The following RHBDL2 variants were observed in gnomAD, a reference collection of about 807,000 sequenced individuals.
The protein encoded by RHBDL2 is rhomboid like 2, also known as rhomboid-related protein 2.
Under a neutral mutation model 31.7 loss-of-function variants are expected in RHBDL2, and 26 were observed. The observed-to-expected ratio is 0.82, with a 90% CI of 0.60 to 1.14. The LOEUF is 1.14. RHBDL2 is among the 50% of genes most tolerant of loss of function. The pLI, the probability that RHBDL2 is intolerant of heterozygous loss-of-function variation, is 0.00. For missense variants in RHBDL2, 336 were observed against 364.4 expected (o/e 0.92, Z 0.63); for synonymous variants, 123 against 127.2 (o/e 0.97, Z 0.22).
At chr1:38,907,201 G>C (rs971234275) in intron 4 of RHBDL2, among the ~76,000 whole-genome samples, 1 of 152,134 alleles carries the variant, frequency 6.6e-6, no homozygotes, top group African/African-American at 2.4e-5. Context: ...GATATCTTCA[G>C]GCCAAACAAA....
chr1:38,915,520 A>T, intron 3 of RHBDL2, 42 bp downstream of exon 3: 1 of 1,601,436 alleles, frequency 6.2e-7, no homozygotes, highest in South Asian at 1.1e-5. Flanking sequence ...TTACAATGAT[A>T]TAATCACCTC....
At chr1:38,924,145 A>G (rs1643346342) in intron 1 of RHBDL2, among the ~76,000 whole-genome samples, 1 of 151,980 alleles carries the variant, frequency 6.6e-6, no homozygotes, top group Non-Finnish European at 1.5e-5. Context: ...TGGCCTCCCC[A>G]TGTTGTCCAG....
At chr1:38,941,157 A>G (rs993697291) in intron 1 of RHBDL2, among the ~76,000 whole-genome samples, 3 of 152,226 alleles carry the variant, frequency 2.0e-5, no homozygotes, top group Non-Finnish European at 2.9e-5. Flanking sequence ...ACACTAATGA[A>G]TAAATGAAAG....
intron 4 of RHBDL2, among the ~76,000 whole-genome samples, chr1:38,900,438 T>A (rs1642974715): frequency 6.6e-6 from 1 of 151,886 alleles, no homozygotes. Context: ...CTGGCCAACA[T>A]GGCGAAACCC....
chr1:38,935,349 G>A (rs1231283531), intron 1 of RHBDL2, among the ~76,000 whole-genome samples: 1 of 152,146 alleles, frequency 6.6e-6, no homozygotes, highest in Non-Finnish European at 1.5e-5. Flanking sequence ...AAGAGCTAAA[G>A]CTCTTAAGTT....
chr1:38,909,473 T>C (rs773792558), intron 4 of RHBDL2, among the ~76,000 whole-genome samples: 21 of 152,178 alleles, frequency 1.4e-4, no homozygotes, highest in Non-Finnish European at 2.8e-4. Context: ...GAATTTTCTT[T>C]AAAAATTCAC....
At chr1:38,910,570 C>G (rs1205053148) in intron 4 of RHBDL2, among the ~76,000 whole-genome samples, 3 of 152,074 alleles carry the variant, frequency 2.0e-5, no homozygotes, top group African/African-American at 7.2e-5. Context: ...CCTACCCAGT[C>G]TTAGAGCCCC....
chr1:38,900,750 A>T (rs1271857081), intron 4 of RHBDL2, among the ~76,000 whole-genome samples: 1 of 151,922 alleles, frequency 6.6e-6, no homozygotes, highest in East Asian at 1.9e-4. Context: ...AATAAAAATA[A>T]AAAATAAAAA....
At chr1:38,890,073 T>A (rs1642835680) in intron 6 of RHBDL2, among the ~76,000 whole-genome samples, 1 of 151,804 alleles carries the variant, frequency 6.6e-6, no homozygotes, top group African/African-American at 2.4e-5. Flanking sequence ...AGTCTCACTC[T>A]GTCGCCTAGG....
intron 1 of RHBDL2, among the ~76,000 whole-genome samples, chr1:38,923,411 T>A (rs764459476): frequency 6.6e-6 from 1 of 152,236 alleles, no homozygotes; most frequent in Non-Finnish European, 1.5e-5. Context: ...CATGGGTAGT[T>A]CTTCCTTACA....
chr1:38,934,018 G>A (rs899352864), intron 1 of RHBDL2, among the ~76,000 whole-genome samples: 9 of 151,968 alleles, frequency 5.9e-5, no homozygotes, highest in African/African-American at 2.2e-4. Context: ...GTTATCCACC[G>A]TGCTGTGTCC....
intron 4 of RHBDL2, among the ~76,000 whole-genome samples, chr1:38,908,161 G>GAA (rs572425278): frequency 4.7e-4 from 39 of 83,226 alleles, no homozygotes; most frequent in Non-Finnish European, 5.8e-4. Context: ...CTCCAAATTT[G>GAA]AAAAAAAAAA....
At chr1:38,924,905 C>G (rs963972008) in intron 1 of RHBDL2, among the ~76,000 whole-genome samples, 35 of 151,302 alleles carry the variant, frequency 2.3e-4, no homozygotes, top group Non-Finnish European at 4.7e-4. Flanking sequence ...CCTCAAACTC[C>G]CAAGTAGCTG....
intron 2 of RHBDL2, among the ~76,000 whole-genome samples, chr1:38,917,258 C>T (rs931532828): frequency 5.9e-5 from 9 of 151,966 alleles, no homozygotes; most frequent in African/African-American, 9.7e-5. Flanking sequence ...ACCTTGTGAT[C>T]CGCCCACCTC....
rs1643278046 is a variant in RHBDL2 at position 38,919,164 on chromosome 1, C to T, written c.49G>A (p.Gly17Arg). The T allele has an allele frequency of 4.3e-6, 7 of 1,614,046 alleles. No individual in the cohort carries two copies. Among genetic ancestry groups the T allele is most frequent in the African/African-American group, 1.3e-5 (1 of 74,928 alleles). ...TCCAGCTCTTCTTTCATCTCTCTCC[C>T]CATATTCAGATTCATGCTCTCCATC... is the stretch of plus-strand genomic sequence containing the variant. ...LEMESMNLNM[G>R]REMKEELEEE... The change falls in exon 2 of 8, where the codon GGG (glycine) becomes AGG (arginine). Residue 17 changes from glycine (G) to arginine (R), a missense_variant. By Grantham distance (125) the Gly-to-Arg change is moderately radical (BLOSUM62 -2). Transcript: ENST00000372990.
intron 6 of RHBDL2, among the ~76,000 whole-genome samples, chr1:38,888,347 G>C (rs550976777): frequency 1.3e-5 from 2 of 151,914 alleles, no homozygotes; most frequent in African/African-American, 4.8e-5. Flanking sequence ...AAACTGTTGG[G>C]GGGTATGTGG....
rs71057159 is a variant in RHBDL2, at chr1:38,894,707, C to CTTT, written c.609+1259_609+1261dup. On this transcript the variant is annotated intron_variant, in intron 5 of 7. Coordinates refer to ENST00000372990, the MANE Select transcript of RHBDL2 (RefSeq NM_017821.5). ...TCTTTTCTTTTTTTTCTTTTTTTTT[C>CTTT]TTTTTTTTTTTTTTTTTTGAGACAG... Among the ~76,000 whole-genome samples the CTTT allele has an allele frequency of 4.6e-4, 53 of 114,174 alleles. 2 individuals carry two copies. The highest frequency in any genetic ancestry group is 1.7e-3 in the South Asian group (6 of 3,568). 74.9% of individuals were successfully genotyped at this position (114,174 alleles called of 152,430 possible).
intron 7 of RHBDL2, among the ~76,000 whole-genome samples, chr1:38,886,972 T>C (rs1642792175): frequency 6.6e-6 from 1 of 152,228 alleles, no homozygotes; most frequent in Non-Finnish European, 1.5e-5. Flanking sequence ...AAAATAATTC[T>C]ATATAATGCC....
chr1:38,892,784 C>T (rs994817049), intron 6 of RHBDL2, among the ~76,000 whole-genome samples: 4 of 152,154 alleles, frequency 2.6e-5, no homozygotes, highest in African/African-American at 9.7e-5. Context: ...TTGAATTCTC[C>T]ACAAGCCCAG....
Sources: gnomAD v4.1 joint callset for allele counts (sites outside exome capture counted in the v4.1 genomes callset) on GRCh38, gnomAD v4.1.1 for gene constraint, MANE v1.5 for transcripts, NCBI Gene and HGNC (gene_info 2026-07-23, HGNC 2026-07-21) for gene names.